PTPRD: variants seen among roughly 807,000 people sequenced by gnomAD.
PTPRD encodes protein tyrosine phosphatase receptor type D, also known as receptor-type tyrosine-protein phosphatase delta.
Under a neutral mutation model 214.5 loss-of-function variants are expected in PTPRD, and 34 were observed. That is an observed-to-expected ratio of 0.16 (90% CI 0.12 to 0.21). The LOEUF (loss-of-function observed/expected upper bound fraction) is 0.21, where lower values mean the gene tolerates loss of function less well. PTPRD is among the 10% of genes least tolerant of loss of function. PTPRD has a pLI of 1.00. For synonymous variants in PTPRD, 1,128 were observed against 845.7 expected (o/e 1.33, Z -5.79); for missense variants, 2,545 against 2,398.7 (o/e 1.06, Z -1.27).
chr9:8,777,710 G>C (rs1445028541), intron 11 of PTPRD, among the ~76,000 whole-genome samples: 1 of 152,016 alleles, frequency 6.6e-6, no homozygotes, highest in Non-Finnish European at 1.5e-5. Context: ...AAGAGAGCTG[G>C]TCATATATTA....
At chr9:9,634,512 A>G (rs1404698331) in intron 7 of PTPRD, among the ~76,000 whole-genome samples, 1 of 152,192 alleles carries the variant, frequency 6.6e-6, no homozygotes. Context: ...AAATTTGCTG[A>G]TTATTTAAAA....
intron 3 of PTPRD, among the ~76,000 whole-genome samples, chr9:10,060,788 C>CTT (rs1233496718): frequency 1.6e-5 from 2 of 127,006 alleles, no homozygotes; most frequent in Admixed American, 7.2e-5. Flanking sequence ...TTCTTTCTTT[C>CTT]TTTCTTTCTT....
intron 11 of PTPRD, among the ~76,000 whole-genome samples, chr9:8,919,804 A>G (rs905097588): frequency 7.3e-6 from 1 of 136,858 alleles, no homozygotes; most frequent in African/African-American, 2.5e-5. Flanking sequence ...ATACACATGC[A>G]AGTGCACATA....
At position 9,998,116 on chromosome 9, in the gene PTPRD, A is replaced by T. The variant is rs112354886; in HGVS notation, c.-472+35602T>A. 1.1e-3 allele frequency among the ~76,000 whole-genome samples: 98 copies of T among 92,600 alleles called. 1 individual carries two copies. Among genetic ancestry groups the T allele is most frequent in the African/African-American group, 4.2e-3 (88 of 20,870 alleles). The allele number at this position is 92,600 out of a possible 152,430, so 60.7% of individuals were successfully genotyped here. A position where few individuals can be genotyped will look rare whatever the true frequency, so the allele number is the denominator to read the frequency against. On this transcript the variant is annotated intron_variant, in intron 4 of 45. Transcript: ENST00000381196. ...TGTACCCTAGAACTTAAAGTATAAT[A>T]AAAAAAAAAAAAAATATATATATAT... is the stretch of plus-strand genomic sequence containing the variant.
At chr9:9,173,164 C>T (rs146740028) in intron 10 of PTPRD, among the ~76,000 whole-genome samples, 16 of 152,234 alleles carry the variant, frequency 1.1e-4, no homozygotes, top group Middle Eastern at 3.4e-3. Flanking sequence ...AGAATATTTT[C>T]CCCCTAATAT....
intron 5 of PTPRD, among the ~76,000 whole-genome samples, chr9:9,783,555 C>G (rs1359588393): frequency 6.6e-6 from 1 of 152,024 alleles, no homozygotes; most frequent in Non-Finnish European, 1.5e-5. Flanking sequence ...ATAATTAAAC[C>G]AAGATGTACA....
At chr9:10,153,992 G>C (rs2099078166) in intron 3 of PTPRD, among the ~76,000 whole-genome samples, 1 of 152,036 alleles carries the variant, frequency 6.6e-6, no homozygotes, top group African/African-American at 2.4e-5. Context: ...AATGTTGAGG[G>C]TATACCCAGT....
At chr9:10,189,329 C>G (rs1424927403) in intron 3 of PTPRD, among the ~76,000 whole-genome samples, 4 of 152,112 alleles carry the variant, frequency 2.6e-5, no homozygotes, top group African/African-American at 9.7e-5. Flanking sequence ...TTGGTGCTGG[C>G]TGAGTTCCAT....
At position 8,330,903 on chromosome 9, in the gene PTPRD, TTTAAATAAAA is replaced by T. The variant is rs537240936; in HGVS notation, c.5534+669_5534+678del. On this transcript the variant is annotated intron_variant, in intron 44 of 45. Coordinates refer to ENST00000381196, the MANE Select transcript of PTPRD (RefSeq NM_002839.4). The stretch of plus-strand genomic sequence containing the variant: ...TTGCCAGAACCCTAAAATATATTAG[TTTAAATAAAA>T]TTAGATGAATTGCTTTTGTTAGAAG... Among the ~76,000 whole-genome samples the T allele has an allele frequency of 7.9e-4, 120 of 152,236 alleles. 1 individual carries two copies. Among genetic ancestry groups the T allele is most frequent in the African/African-American group, 2.6e-3 (110 of 41,524 alleles).
At chr9:10,108,840 TA>T (rs2098662400) in intron 3 of PTPRD, among the ~76,000 whole-genome samples, 2 of 148,962 alleles carry the variant, frequency 1.3e-5, no homozygotes, top group Admixed American at 1.4e-4. Flanking sequence ...GACATTATGT[TA>T]ACTGAATTAA....
rs913681215 is a variant in PTPRD at position 9,934,382 on chromosome 9, G to T, written c.-368+4125C>A. Among the ~76,000 whole-genome samples the T allele has an allele frequency of 1.0e-4, 15 of 146,598 alleles. 1 individual carries two copies. Among genetic ancestry groups the T allele is most frequent in the Admixed American group, 9.5e-4 (14 of 14,746 alleles). ...GAATCAAATAGATGCAATAAAAAAT[G>T]ATAAAGGGGATATCGCCACCGATCC... On this transcript the variant is annotated intron_variant, in intron 5 of 45. Coordinates refer to ENST00000381196, the MANE Select transcript of PTPRD (RefSeq NM_002839.4).
chr9:9,635,584 A>C (rs976657143), intron 7 of PTPRD, among the ~76,000 whole-genome samples: 1 of 152,166 alleles, frequency 6.6e-6, no homozygotes, highest in Non-Finnish European at 1.5e-5. Flanking sequence ...AACCATTGAC[A>C]GATTTAAGGA....
At chr9:9,679,655 G>C (rs531566847) in intron 7 of PTPRD, among the ~76,000 whole-genome samples, 2 of 151,982 alleles carry the variant, frequency 1.3e-5, no homozygotes, top group Admixed American at 1.3e-4. Context: ...CCAGGTCAAA[G>C]TAGCTGGGTG....
Position 9,290,272 on chromosome 9 carries a change from T to C in PTPRD, c.-202-106909A>G, listed in dbSNP as rs138965517. Among the ~76,000 whole-genome samples, 650 of 151,914 alleles carry C rather than the reference T, an allele frequency of 4.3e-3. 6 individuals carry two copies. The highest frequency in any genetic ancestry group is 7.5e-3 in the Non-Finnish European group (510 of 67,834). ...TGTATGTCTTCCTTTGAAAAATGTC[T>C]ATTCAGGTCCTTTGCTAATTTTTAA... is the stretch of plus-strand genomic sequence containing the variant. On this transcript the variant is annotated intron_variant, in intron 9 of 45. Coordinates refer to ENST00000381196, the MANE Select transcript of PTPRD (RefSeq NM_002839.4).
Position 9,328,516 on chromosome 9 carries a change from G to C in PTPRD, c.-203+68933C>G, listed in dbSNP as rs550383887. ...CAACCTGGCTGGTAACTTTAAATCT[G>C]TCAATTTAGCATATGTGTTTATATT... On this transcript the variant is annotated intron_variant, in intron 9 of 45. Coordinates refer to ENST00000381196, the MANE Select transcript of PTPRD (RefSeq NM_002839.4). 7.4e-5 allele frequency among the ~76,000 whole-genome samples: 11 copies of C among 149,322 alleles called. No homozygotes were observed. In the South Asian group the frequency reaches 1.9e-3, roughly 26 times the overall value.
chr9:8,586,068 G>C (rs936585347), intron 14 of PTPRD, among the ~76,000 whole-genome samples: 1 of 152,316 alleles, frequency 6.6e-6, no homozygotes, highest in African/African-American at 2.4e-5. Context: ...TTGGGTAACT[G>C]AGGTGGGCAG....
At chr9:8,720,280 G>A (rs1311360211) in intron 12 of PTPRD, among the ~76,000 whole-genome samples, 1 of 152,234 alleles carries the variant, frequency 6.6e-6, no homozygotes, top group Non-Finnish European at 1.5e-5. Flanking sequence ...CAGCAGGGCA[G>A]TTGAGCATCT....
At chr9:9,666,127 G>C (rs569496990) in intron 7 of PTPRD, among the ~76,000 whole-genome samples, 2 of 151,756 alleles carry the variant, frequency 1.3e-5, no homozygotes, top group African/African-American at 4.8e-5. Flanking sequence ...TTCTACCTAG[G>C]CCTTAATACA....
chr9:8,522,524 A>C (rs1286188532), intron 19 of PTPRD, among the ~76,000 whole-genome samples: 1 of 152,224 alleles, frequency 6.6e-6, no homozygotes, highest in Non-Finnish European at 1.5e-5. Flanking sequence ...ATCTTTTAAA[A>C]GGCTTTTTAT....
Sources: allele counts gnomAD v4.1 joint callset (sites outside exome capture counted in the v4.1 genomes callset), GRCh38; gene constraint gnomAD v4.1.1; transcripts MANE v1.5; gene names NCBI Gene and HGNC (gene_info 2026-07-23, HGNC 2026-07-21).